ANKFN1: variants seen among roughly 807,000 people sequenced by gnomAD.
ANKFN1 encodes ankyrin repeat and fibronectin type III domain containing 1, also known as ankyrin repeat and fibronectin type-III domain-containing protein 1.
A neutral mutation model predicts 108.7 loss-of-function variants in ANKFN1; 74 were observed. That is an observed-to-expected ratio of 0.68 (90% CI 0.56 to 0.83). The LOEUF (loss-of-function observed/expected upper bound fraction) is 0.83. Ranked by LOEUF, ANKFN1 falls within the 40% of genes least tolerant of loss-of-function variation. ANKFN1 has a pLI of 0.00. For synonymous variants in ANKFN1, 547 were observed against 516.2 expected (o/e 1.06, Z -0.81); for missense variants, 1,505 against 1,382.3 (o/e 1.09, Z -1.41).
At chr17:56,094,179 A>G (rs1408259067) in intron 4 of ANKFN1, among the ~76,000 whole-genome samples, 2 of 151,152 alleles carry the variant, frequency 1.3e-5, no homozygotes, top group Admixed American at 6.6e-5. Context: ...TACAGCCCTC[A>G]GAAGGAACCA....
intron 3 of ANKFN1, among the ~76,000 whole-genome samples, chr17:56,239,642 G>T (rs562166502): frequency 6.6e-6 from 1 of 152,198 alleles, no homozygotes; most frequent in Admixed American, 6.6e-5. Flanking sequence ...TTACTCTCCA[G>T]ATTGCATATG....
chr17:56,067,669 G>A (rs547012224), intron 4 of ANKFN1, among the ~76,000 whole-genome samples: 19 of 152,312 alleles, frequency 1.2e-4, no homozygotes, highest in Non-Finnish European at 2.4e-4. Flanking sequence ...TAATGCATAA[G>A]TAGAAGACCC....
chr17:56,240,266 A>C (rs1054713567), intron 3 of ANKFN1, among the ~76,000 whole-genome samples: 2 of 152,082 alleles, frequency 1.3e-5, no homozygotes, highest in African/African-American at 4.8e-5. Context: ...ATTGCTTCAT[A>C]ATTTTTAAGT....
intron 3 of ANKFN1, among the ~76,000 whole-genome samples, chr17:56,311,390 G>A (rs1458922418): frequency 6.6e-6 from 1 of 152,156 alleles, no homozygotes; most frequent in Admixed American, 6.5e-5. Context: ...TCAAGTACAG[G>A]TTGAGCATCC....
chr17:56,382,935 A>G (rs1431727365), intron 8 of ANKFN1, among the ~76,000 whole-genome samples: 2 of 152,212 alleles, frequency 1.3e-5, no homozygotes, highest in South Asian at 2.1e-4. Flanking sequence ...CAGGAAGTTA[A>G]CAAGGATACC....
At chr17:56,169,029 AG>A (rs1910407729) in intron 1 of ANKFN1, among the ~76,000 whole-genome samples, 1 of 152,188 alleles carries the variant, frequency 6.6e-6, no homozygotes. Flanking sequence ...GGAATGATCC[AG>A]AAGGCAGGGG....
rs1334629177 is a variant in ANKFN1 at position 56,050,929 on chromosome 17, G to C, written c.288+4604G>C. Among the ~76,000 whole-genome samples the C allele has an allele frequency of 6.8e-5, 10 of 146,264 alleles. No homozygotes were observed. In the Admixed American group the frequency reaches 6.9e-4, roughly 10 times the overall value. On this transcript the variant is annotated intron_variant, in intron 4 of 12. Transcript: ENST00000635860. ...GCTGAAATTGTGGCAATAATCAATA[G>C]TTTACCAACCAAAAAGAGTCCAGGA... is the stretch of plus-strand genomic sequence containing the variant.
chr17:56,459,096 C>A (rs112875251), intron 14 of ANKFN1, among the ~76,000 whole-genome samples: 404 of 152,232 alleles, frequency 2.7e-3, no homozygotes, highest in Middle Eastern at 0.01. Flanking sequence ...CATTTCAACT[C>A]ACTCGGGTTT....
At chr17:56,129,500 G>C (rs1907146529) in intron 4 of ANKFN1, among the ~76,000 whole-genome samples, 1 of 148,744 alleles carries the variant, frequency 6.7e-6, no homozygotes, top group Admixed American at 6.7e-5. Flanking sequence ...AAAAAAAAAA[G>C]TACAATGATA....
At chr17:56,219,976 A>G (rs1430839450) in intron 2 of ANKFN1, among the ~76,000 whole-genome samples, 1 of 152,250 alleles carries the variant, frequency 6.6e-6, no homozygotes, top group South Asian at 2.1e-4. Context: ...AGTTCAAATC[A>G]CTTGCAGCAT....
At chr17:56,222,254 C>A (rs2051746659) in intron 2 of ANKFN1, among the ~76,000 whole-genome samples, 2 of 152,180 alleles carry the variant, frequency 1.3e-5, no homozygotes, top group African/African-American at 4.8e-5. Flanking sequence ...TTGAGGGGTT[C>A]TAGCCTACCA....
chr17:56,378,062 C>A (rs1316178107), intron 8 of ANKFN1, among the ~76,000 whole-genome samples: 2 of 152,192 alleles, frequency 1.3e-5, no homozygotes, highest in Non-Finnish European at 2.9e-5. Flanking sequence ...TGTTTAACTG[C>A]TCGTCATTTG....
At chr17:56,174,211 G>T in intron 1 of ANKFN1, 1 of 985,548 alleles carries the variant, frequency 1.0e-6, no homozygotes, top group Non-Finnish European at 1.2e-6. Flanking sequence ...ATGCCTGCAG[G>T]GTTCTCTCTT....
intron 3 of ANKFN1, among the ~76,000 whole-genome samples, chr17:56,232,328 C>G (rs568859081): frequency 2.6e-4 from 39 of 151,994 alleles, no homozygotes; most frequent in Middle Eastern, 3.4e-3. Context: ...AAAACAAAAA[C>G]AAAAAGAAAT....
intron 8 of ANKFN1, among the ~76,000 whole-genome samples, chr17:56,380,114 A>G (rs1419350051): frequency 1.3e-5 from 2 of 152,216 alleles, no homozygotes; most frequent in Admixed American, 6.5e-5. Context: ...CTTCCTAATC[A>G]GGCTGAATTG....
chr17:56,070,949 T>A (rs1298431044), intron 4 of ANKFN1, among the ~76,000 whole-genome samples: 1 of 152,030 alleles, frequency 6.6e-6, no homozygotes, highest in Non-Finnish European at 1.5e-5. Flanking sequence ...TTGGCCAGGA[T>A]GGTCTCGATC....
intron 8 of ANKFN1, among the ~76,000 whole-genome samples, chr17:56,402,809 TG>T (rs2047801998): frequency 6.6e-6 from 1 of 152,142 alleles, no homozygotes; most frequent in African/African-American, 2.4e-5. Context: ...TGTCAGTTCG[TG>T]CTCTTTTAGT....
chr17:56,421,189 T>C (rs1254543928), intron 8 of ANKFN1, among the ~76,000 whole-genome samples: 2 of 152,244 alleles, frequency 1.3e-5, no homozygotes, highest in African/African-American at 4.8e-5. Flanking sequence ...TCCTCTGTGA[T>C]AGCTAGGTTC....
chr17:56,477,798 A>ATCT, intron 16 of ANKFN1, 144 bp downstream of exon 16: 1 of 825,154 alleles, frequency 1.2e-6, no homozygotes, highest in African/African-American at 1.8e-5. Context: ...GAAGTGGGGC[A>ATCT]GAGCTTAGTT....
Sources: allele counts gnomAD v4.1 joint callset (sites outside exome capture counted in the v4.1 genomes callset), GRCh38; gene constraint gnomAD v4.1.1; transcripts MANE v1.5; gene names NCBI Gene and HGNC (gene_info 2026-07-23, HGNC 2026-07-21).